Variants in EYS observed in about 807,000 individuals in gnomAD.
EYS encodes protein eyes shut homolog.
Under a neutral mutation model 282.1 loss-of-function variants are expected in EYS, and 250 were observed. The ratio of observed to expected loss-of-function variants is 0.89; its 90% CI spans 0.80 to 0.98. The LOEUF (loss-of-function observed/expected upper bound fraction) is 0.98, where lower values mean the gene tolerates loss of function less well. Ranked by LOEUF, EYS falls within the 50% of genes least tolerant of loss-of-function variation. EYS has a pLI of 0.00. For synonymous variants in EYS, 1,355 were observed against 1,282.9 expected, an observed-to-expected ratio of 1.06 and a Z score of -1.20; for missense variants, 4,016 against 3,709.0, an observed-to-expected ratio of 1.08 and a Z score of -2.15.
At chr6:64,795,375 G>T (rs1030326384) in intron 22 of EYS, among the ~76,000 whole-genome samples, 2 of 152,162 alleles carry the variant, frequency 1.3e-5, no homozygotes, top group East Asian at 3.9e-4. Context: ...AAATAGAGAG[G>T]AAGTAGATAT....
intron 12 of EYS, among the ~76,000 whole-genome samples, chr6:65,240,452 GTAGC>G (rs1562044003): frequency 6.6e-6 from 1 of 151,934 alleles, no homozygotes; most frequent in Non-Finnish European, 1.5e-5. Context: ...ACCCTCTCTA[GTAGC>G]TCCCTGTCTC....
At chr6:64,221,479 A>C (rs1262352683) in intron 31 of EYS, among the ~76,000 whole-genome samples, 2 of 152,086 alleles carry the variant, frequency 1.3e-5, no homozygotes, top group African/African-American at 4.8e-5. Flanking sequence ...TGGACTTTCT[A>C]GTCTCCAGGA....
intron 31 of EYS, among the ~76,000 whole-genome samples, chr6:64,111,626 T>C (rs940297225): frequency 3.3e-5 from 5 of 151,912 alleles, no homozygotes; most frequent in African/African-American, 1.2e-4. Flanking sequence ...CTGAGAAAAA[T>C]GACATAATAT....
chr6:64,055,554 TC>T (rs1181769794), intron 33 of EYS, among the ~76,000 whole-genome samples: 3 of 152,134 alleles, frequency 2.0e-5, no homozygotes, highest in African/African-American at 7.2e-5. Context: ...GCAGAATGAA[TC>T]TATAAAGATT....
chr6:64,224,798 A>C (rs916313200), intron 31 of EYS, among the ~76,000 whole-genome samples: 2 of 152,010 alleles, frequency 1.3e-5, no homozygotes, highest in Non-Finnish European at 2.9e-5. Flanking sequence ...GGGAGAAAAA[A>C]AATGTGCACA....
At chr6:65,089,059 A>T (rs557930497) in intron 12 of EYS, among the ~76,000 whole-genome samples, 194 of 152,264 alleles carry the variant, frequency 1.3e-3, no homozygotes, top group Non-Finnish European at 2.1e-3. Flanking sequence ...AAATGCCTAG[A>T]TGTCCAGGCA....
chr6:64,197,793 C>T (rs1303572376), intron 31 of EYS, among the ~76,000 whole-genome samples: 1 of 150,466 alleles, frequency 6.6e-6, no homozygotes, highest in African/African-American at 2.4e-5. Context: ...CCATATTTAC[C>T]AGGTATTTCT....
chr6:65,594,144 T>A (rs1473836101), intron 2 of EYS, among the ~76,000 whole-genome samples: 2 of 151,996 alleles, frequency 1.3e-5, no homozygotes, highest in Non-Finnish European at 2.9e-5. Context: ...ATGATCATTA[T>A]TATTATTATT....
At chr6:65,679,417 T>C (rs1768741032) in intron 1 of EYS, among the ~76,000 whole-genome samples, 1 of 152,006 alleles carries the variant, frequency 6.6e-6, no homozygotes, top group South Asian at 2.1e-4. Context: ...GAGGACATCA[T>C]GCTAAGTGGA....
At position 63,931,983 on chromosome 6, in the gene EYS, G is replaced by T. The variant is rs533359891; in HGVS notation, c.7055+52400C>A. Among the ~76,000 whole-genome samples, 926 of 152,002 alleles carry T rather than the reference G, an allele frequency of 6.1e-3. 12 individuals carry two copies. The highest frequency in any genetic ancestry group is 0.021 in the African/African-American group (887 of 41,464). On this transcript the variant is annotated intron_variant, in intron 35 of 42. Coordinates refer to ENST00000503581, the MANE Select transcript of EYS (RefSeq NM_001142800.2). Reference sequence around the variant, plus strand: ...ACAATTCTATTCTCTACTTCTATGAGCTCATATTTTTGTAGTTTCCACATA... The same window carrying T: ...ACAATTCTATTCTCTACTTCTATGATCTCATATTTTTGTAGTTTCCACATA...
chr6:64,930,226 T>C (rs576832029), intron 15 of EYS, among the ~76,000 whole-genome samples: 3 of 152,148 alleles, frequency 2.0e-5, no homozygotes, highest in South Asian at 4.1e-4. Context: ...AATTGTAAAA[T>C]ATTAAAAATT....
At chr6:64,545,927 G>A (rs1275081021) in intron 26 of EYS, among the ~76,000 whole-genome samples, 13 of 152,076 alleles carry the variant, frequency 8.5e-5, no homozygotes, top group Admixed American at 2.6e-4. Flanking sequence ...AATCAATATC[G>A]TGAAAATGGC....
chr6:65,391,495 CA>C (rs1181422064), intron 7 of EYS, among the ~76,000 whole-genome samples: 3 of 152,224 alleles, frequency 2.0e-5, no homozygotes, highest in African/African-American at 7.2e-5. Flanking sequence ...AATCAATGTA[CA>C]AAAATCACAA....
intron 22 of EYS, among the ~76,000 whole-genome samples, chr6:64,809,930 CT>C (rs1394842651): frequency 2.0e-5 from 3 of 152,080 alleles, no homozygotes; most frequent in South Asian, 4.2e-4. Flanking sequence ...TAATTTACCC[CT>C]ATAACATACC....
At chr6:65,494,500 C>A (rs1012427375) in intron 4 of EYS, among the ~76,000 whole-genome samples, 163 bp downstream of exon 4, 26 of 151,986 alleles carry the variant, frequency 1.7e-4, no homozygotes, top group Middle Eastern at 3.4e-3. Flanking sequence ...CCAGGATGGT[C>A]TCGCTCTCCT....
chr6:64,024,636 G>A (rs866420546), intron 33 of EYS, among the ~76,000 whole-genome samples: 1 of 152,038 alleles, frequency 6.6e-6, no homozygotes, highest in South Asian at 2.1e-4. Flanking sequence ...TTTATGAGCT[G>A]TAACACTCAC....
intron 2 of EYS, among the ~76,000 whole-genome samples, chr6:65,627,158 T>C (rs1436318838): frequency 6.6e-6 from 1 of 152,196 alleles, no homozygotes; most frequent in African/African-American, 2.4e-5. Flanking sequence ...GTCTGGGCAG[T>C]AAACAGCAAG....
rs748838955 is a variant in EYS, at chr6:63,720,687, A to T, written c.9344T>A (p.Val3115Asp). 61 of 1,546,702 alleles carry T rather than the reference A, an allele frequency of 3.9e-5. No homozygotes were observed. Among genetic ancestry groups the T allele is most frequent in the Non-Finnish European group, 5.2e-5 (59 of 1,145,488 alleles). Residue 3115 changes from valine (V) to aspartate (D), a missense_variant, in exon 43 of 43, where the codon GTT (valine) becomes GAT (aspartate). Val to Asp is a radical substitution (Grantham distance 152, BLOSUM62 -3). Coordinates refer to ENST00000503581, the MANE Select transcript of EYS (RefSeq NM_001142800.2). ...KTNFVGKIKD[V>D]VFFQEPKNIE... Reference sequence around the variant, plus strand: ...GTTTTTTGGTTCCTGAAAAAATACAACATCTTTAATTTTGCCAACAAAATT... The same window carrying T: ...GTTTTTTGGTTCCTGAAAAAATACATCATCTTTAATTTTGCCAACAAAATT...
chr6:64,894,254 G>A (rs1767382826), intron 18 of EYS, among the ~76,000 whole-genome samples: 1 of 152,048 alleles, frequency 6.6e-6, no homozygotes, highest in East Asian at 1.9e-4. Flanking sequence ...TGACAGTGCT[G>A]GATGTTGCCA....
Sources: gnomAD v4.1 joint callset for allele counts (sites outside exome capture counted in the v4.1 genomes callset) on GRCh38, gnomAD v4.1.1 for gene constraint, MANE v1.5 for transcripts, NCBI Gene and HGNC (gene_info 2026-07-23, HGNC 2026-07-21) for gene names.